The following MAGI1 variants were observed in gnomAD, a reference collection of about 807,000 sequenced individuals.
MAGI1 encodes membrane-associated guanylate kinase, WW and PDZ domain-containing protein 1.
A neutral mutation model predicts 139.9 loss-of-function variants in MAGI1; 58 were observed. The observed-to-expected ratio is 0.41, with a 90% CI of 0.34 to 0.52. The LOEUF (loss-of-function observed/expected upper bound fraction) is 0.52, where lower values mean the gene tolerates loss of function less well. Ranked by LOEUF, MAGI1 falls within the 20% of genes least tolerant of loss-of-function variation. The probability of loss-of-function intolerance (pLI) is 0.12; values close to 1 mark genes in which losing one functional copy is unlikely to be tolerated. For missense variants in MAGI1, 1,874 were observed against 1,901.6 expected (o/e 0.99, Z 0.27); for synonymous variants, 812 against 737.9 (o/e 1.10, Z -1.63).
In MAGI1 at chr3:66,015,406, C is replaced by A. The variant is rs181175783; in HGVS notation, c.313+22590G>T. ...GTGGACGCAGCCAACCCCCTCCCAG[C>A]CTGAACCTAAGAACCTGGTTTGTTT... On this transcript the variant is annotated intron_variant, in intron 1 of 22. Transcript: ENST00000402939. Among the ~76,000 whole-genome samples, 74 of 152,112 alleles carry A rather than the reference C, an allele frequency of 4.9e-4. No homozygotes were observed. The East Asian group carries it at 6.8e-3, about 14-fold the overall frequency.
chr3:65,623,942 G>C lies in MAGI1; in HGVS notation c.314-1854C>G, dbSNP rs114247706. Reference sequence around the variant, plus strand: ...TGAAGACACCCACATGCCACATGAAGCCACCCCCCAAAAAAATCAGCACAA... The same window carrying C: ...TGAAGACACCCACATGCCACATGAACCCACCCCCCAAAAAAATCAGCACAA... On this transcript the variant is annotated intron_variant, in intron 1 of 22. Transcript: ENST00000402939. Among the ~76,000 whole-genome samples, 588 of 152,070 alleles carry C rather than the reference G, an allele frequency of 3.9e-3. 7 individuals are homozygous for C. The highest frequency in any genetic ancestry group is 0.014 in the African/African-American group (568 of 41,470).
intron 12 of MAGI1, among the ~76,000 whole-genome samples, chr3:65,426,601 C>T (rs966134220): frequency 1.3e-5 from 2 of 152,178 alleles, no homozygotes; most frequent in Admixed American, 1.3e-4. Context: ...TGGGCATTTA[C>T]TTTCTCATTG....
chr3:65,693,197 A>T (rs912438908), intron 1 of MAGI1, among the ~76,000 whole-genome samples: 1 of 152,158 alleles, frequency 6.6e-6, no homozygotes, highest in African/African-American at 2.4e-5. Flanking sequence ...CTCCCGCCTC[A>T]GCCTCCCAAA....
chr3:65,875,500 T>C (rs1462543238), intron 1 of MAGI1, among the ~76,000 whole-genome samples: 1 of 152,222 alleles, frequency 6.6e-6, no homozygotes. Flanking sequence ...TTAAGGCTAC[T>C]GAGGTTGCAT....
At chr3:65,480,161 C>CAAAA (rs55886178) in intron 3 of MAGI1, among the ~76,000 whole-genome samples, 18 of 140,500 alleles carry the variant, frequency 1.3e-4, no homozygotes, top group African/African-American at 4.2e-4. Context: ...ACACAAGCAC[C>CAAAA]AAAAAAAAAA....
At chr3:65,792,886 G>C (rs538614919) in intron 1 of MAGI1, among the ~76,000 whole-genome samples, 21 of 152,260 alleles carry the variant, frequency 1.4e-4, no homozygotes, top group African/African-American at 5.1e-4. Flanking sequence ...TGGCGCGGGG[G>C]AGGGCAGGCG....
chr3:65,478,254 C>A (rs1559591620), intron 4 of MAGI1, among the ~76,000 whole-genome samples: 3 of 151,794 alleles, frequency 2.0e-5, no homozygotes, highest in Admixed American at 6.6e-5. Context: ...CAAGTTACCC[C>A]CCCCAAAAAA....
intron 2 of MAGI1, among the ~76,000 whole-genome samples, chr3:65,564,981 G>A (rs961970408): frequency 2.6e-5 from 4 of 152,182 alleles, no homozygotes; most frequent in Middle Eastern, 3.4e-3. Flanking sequence ...AAAAACAATC[G>A]ACCTTCAGTC....
intron 1 of MAGI1, among the ~76,000 whole-genome samples, chr3:65,756,244 C>T (rs2036554264): frequency 6.6e-6 from 1 of 152,064 alleles, no homozygotes; most frequent in African/African-American, 2.4e-5. Context: ...CTAAACTCTT[C>T]TAAAGATGGC....
At chr3:65,710,979 T>C (rs1276051087) in intron 1 of MAGI1, among the ~76,000 whole-genome samples, 1 of 152,222 alleles carries the variant, frequency 6.6e-6, no homozygotes, top group Non-Finnish European at 1.5e-5. Flanking sequence ...TGCCTTTTCT[T>C]TTTGTAACTC....
chr3:65,887,105 G>T (rs957915818), intron 1 of MAGI1, among the ~76,000 whole-genome samples: 3 of 152,074 alleles, frequency 2.0e-5, no homozygotes, highest in Non-Finnish European at 4.4e-5. Context: ...TCTCAGACAT[G>T]AGTAAAATAA....
At chr3:65,953,362 A>AT (rs913347979) in intron 1 of MAGI1, among the ~76,000 whole-genome samples, 3 of 152,112 alleles carry the variant, frequency 2.0e-5, no homozygotes, top group Admixed American at 6.5e-5. Context: ...TGGGCCTGGC[A>AT]TTTTTTCCAC....
chr3:65,604,140 A>C (rs1462961491), intron 2 of MAGI1, among the ~76,000 whole-genome samples: 1 of 152,188 alleles, frequency 6.6e-6, no homozygotes, highest in African/African-American at 2.4e-5. Context: ...TTCAGGGGAA[A>C]AGAAAACTAC....
At chr3:65,730,887 C>T (rs767710662) in intron 1 of MAGI1, among the ~76,000 whole-genome samples, 10 of 150,584 alleles carry the variant, frequency 6.6e-5, no homozygotes, top group Admixed American at 3.3e-4. Context: ...TTGTCTAACT[C>T]TCCCCACCCC....
At chr3:65,896,140 T>C (rs1575904334) in intron 1 of MAGI1, among the ~76,000 whole-genome samples, 2 of 152,142 alleles carry the variant, frequency 1.3e-5, no homozygotes, top group Non-Finnish European at 2.9e-5. Context: ...TTTCTCCCTA[T>C]AGGCAATAGA....
At chr3:65,638,498 T>C (rs1353381186) in intron 1 of MAGI1, among the ~76,000 whole-genome samples, 1 of 150,786 alleles carries the variant, frequency 6.6e-6, no homozygotes, top group Non-Finnish European at 1.5e-5. Flanking sequence ...CTACACTGTA[T>C]GGCCGAAGGT....
At chr3:65,694,928 G>A (rs556275499) in intron 1 of MAGI1, among the ~76,000 whole-genome samples, 2 of 151,922 alleles carry the variant, frequency 1.3e-5, no homozygotes, top group Non-Finnish European at 2.9e-5. Context: ...CTTTTTTTGT[G>A]TGTATGTATT....
intron 1 of MAGI1, among the ~76,000 whole-genome samples, chr3:65,831,124 C>T (rs949487914): frequency 2.0e-5 from 3 of 152,208 alleles, no homozygotes; most frequent in Admixed American, 1.3e-4. Context: ...TGGCAGTGTC[C>T]CTAACAATGA....
At position 65,967,503 on chromosome 3, in the gene MAGI1, C is replaced by G. The variant is rs574914756; in HGVS notation, c.313+70493G>C. ...AGTTAAAATCTATAGGCCACAGATT[C>G]CAGTTACAGGTTGCCCCAACTGGGG... On this transcript the variant is annotated intron_variant, in intron 1 of 22. Coordinates refer to ENST00000402939, the MANE Select transcript of MAGI1 (RefSeq NM_001033057.2). Among the ~76,000 whole-genome samples the G allele has an allele frequency of 1.3e-5, 2 of 152,258 alleles. 1 individual carries two copies. Among genetic ancestry groups the G allele is most frequent in the South Asian group, 4.1e-4 (2 of 4,820 alleles).
Sources: gnomAD v4.1 joint callset for allele counts (sites outside exome capture counted in the v4.1 genomes callset) on GRCh38, gnomAD v4.1.1 for gene constraint, MANE v1.5 for transcripts, NCBI Gene and HGNC (gene_info 2026-07-23, HGNC 2026-07-21) for gene names.